The following LCN2 variants were observed in gnomAD, a reference collection of about 807,000 sequenced individuals.
LCN2 encodes neutrophil gelatinase-associated lipocalin.
LCN2 carries 27 observed loss-of-function variants against 26.4 expected under a neutral mutation model. The observed-to-expected ratio is 1.02, with a 90% CI of 0.76 to 1.41. LCN2 has a LOEUF of 1.41. LCN2 is among the 40% of genes most tolerant of loss of function. The pLI, the probability that LCN2 is intolerant of heterozygous loss-of-function variation, is 0.00. For synonymous variants in LCN2, 94 were observed against 98.9 expected, an observed-to-expected ratio of 0.95 and a Z score of 0.30; for missense variants, 224 against 237.6, an observed-to-expected ratio of 0.94 and a Z score of 0.38.
intron 3 of LCN2, 91 bp downstream of exon 3, chr9:128,151,808 G>A (rs1588086839): frequency 1.3e-6 from 2 of 1,590,816 alleles, no homozygotes; most frequent in Non-Finnish European, 1.7e-6. Flanking sequence ...CAGATGTGTT[G>A]TATGGGGAGA....
intron 5 of LCN2, 113 bp downstream of exon 5, chr9:128,152,397 G>C: frequency 3.3e-6 from 3 of 907,758 alleles, no homozygotes; most frequent in Non-Finnish European, 5.2e-6. Flanking sequence ...AGTCACTGGA[G>C]CAGTGGATGG....
chr9:128,151,758 G>T, intron 3 of LCN2, 41 bp downstream of exon 3: 1 of 1,601,072 alleles, frequency 6.2e-7, no homozygotes, highest in Non-Finnish European at 8.6e-7. Context: ...TGGGGCTCCG[G>T]GGAGCTGGGT....
Position 128,153,299 on chromosome 9 carries a change from A to C in LCN2, c.*8-12A>C, listed in dbSNP as rs1588087576. The C allele has an allele frequency of 8.2e-6, 6 of 733,420 alleles. No individual in the cohort carries two copies. Among genetic ancestry groups the C allele is most frequent in the South Asian group, 1.6e-5 (1 of 61,558 alleles). 45.4% of individuals were successfully genotyped at this position (733,420 alleles called of 1,614,324 possible). On this transcript the variant is annotated splice_polypyrimidine_tract_variant and intron_variant, in intron 6 of 6. Transcript: ENST00000277480. This position sits in a 1 kb window ranked among gnomAD's most constrained non-coding sequence, Gnocchi z 5.4. ...TTCCCCACCCATCACCCTCATATCC[A>C]CCTCTGTCCAGGGTGCCGCCAGCTG...
intron 2 of LCN2, 111 bp from the exon 3 acceptor site, chr9:128,151,527 C>G (rs921465224): frequency 1.2e-6 from 1 of 840,770 alleles, no homozygotes; most frequent in African/African-American, 1.7e-5. Context: ...ACGGGTTGGG[C>G]CGGACTGAGA....
chr9:128,150,538 T>C, intron 2 of LCN2, 164 bp downstream of exon 2: 2 of 866,112 alleles, frequency 2.3e-6, no homozygotes, highest in East Asian at 2.5e-5. Context: ...CACATTTCCA[T>C]GCAGACACAC....
In LCN2 at chr9:128,151,962, C is replaced by T. The variant is rs758593510; in HGVS notation, c.412C>T (p.His138Tyr). The change falls in exon 4 of 7, where the codon CAT becomes TAT. Residue 138 changes from histidine to tyrosine, a missense_variant. Coordinates refer to ENST00000277480, the MANE Select transcript of LCN2 (RefSeq NM_005564.5). ...AGTGGTGAGCACCAACTACAACCAG[C>T]ATGCTATGGTGTTCTTCAAGAAAGT... is the stretch of plus-strand genomic sequence containing the variant. ...VRVVSTNYNQ[H>Y]AMVFFKKVSQ... is the part of the protein sequence containing the mutation. The T allele has an allele frequency of 1.9e-6, 3 of 1,614,126 alleles. No individual in the cohort carries two copies. Among genetic ancestry groups the T allele is most frequent in the Non-Finnish European group, 2.5e-6 (3 of 1,179,976 alleles).
At position 128,152,263 on chromosome 9, in the gene LCN2, A is replaced by G. The variant is rs1564225681; in HGVS notation, c.556A>G (p.Ile186Val). The G allele has an allele frequency of 1.9e-6, 3 of 1,614,040 alleles. No individual in the cohort carries two copies. Among genetic ancestry groups the G allele is most frequent in the Non-Finnish European group, 2.5e-6 (3 of 1,180,000 alleles). ...SKSLGLPENH[I>V]VFPVPIDQCI... ...ATCTCTGGGCCTCCCTGAAAACCAC[A>G]TCGTCTTCCCTGTCCCAATCGGTAA... The change falls in exon 5 of 7, where the codon ATC becomes GTC. Residue 186 changes from isoleucine (I) to valine (V), a missense_variant. Transcript: ENST00000277480.
Position 128,153,063 on chromosome 9 carries a change from C to T in LCN2, c.578-37C>T, listed in dbSNP as rs754240493. ...ACACACTCATACACGCACACACACA[C>T]ACAGCTGCCTGTTCTGACGGACTTT... On this transcript the variant is annotated intron_variant, in intron 5 of 6. Transcript: ENST00000277480. The surrounding 1 kb of genome is among the most constrained non-coding windows in gnomAD (Gnocchi z 5.4). 5.6e-6 allele frequency: 9 copies of T among 1,614,060 alleles called. No homozygotes were observed. The highest frequency in any genetic ancestry group is 1.1e-5 in the South Asian group (1 of 91,088).
At chr9:128,150,207 C>T (rs1483278353) in intron 1 of LCN2, 31 bp from the exon 2 acceptor site, 2 of 1,601,422 alleles carry the variant, frequency 1.2e-6, no homozygotes, top group Non-Finnish European at 1.7e-6. Context: ...AGGGCCATTC[C>T]TGGGTTGTGC....
intron 5 of LCN2, among the ~76,000 whole-genome samples, chr9:128,152,744 G>C (rs1829149045): frequency 6.6e-6 from 1 of 152,176 alleles, no homozygotes. Flanking sequence ...AGGGAGCCTG[G>C]CTTGGGCAGG....
At position 128,152,200 on chromosome 9, in the gene LCN2, A is replaced by G. The variant is rs2130878246; in HGVS notation, c.493A>G (p.Thr165Ala). The change falls in exon 5 of 7, where the codon ACT becomes GCT. Residue 165 changes from threonine to alanine, a missense_variant. Physicochemically the swap from Thr to Ala is moderately conservative, Grantham distance 58. Coordinates refer to ENST00000277480, the MANE Select transcript of LCN2 (RefSeq NM_005564.5). ...GGTCACAGGGAGAACCAAGGAGCTG[A>G]CTTCGGAACTAAAGGAGAACTTCAT... ...ITLYGRTKEL[T>A]SELKENFIRF... 1.9e-6 allele frequency: 3 copies of G among 1,614,132 alleles called. No individual in the cohort carries two copies. The East Asian group carries it at 6.7e-5, about 36-fold the overall frequency.
Position 128,151,928 on chromosome 9 carries a change from C to A in LCN2, c.378C>A (p.Tyr126Ter), listed in dbSNP as rs761702759. 2 of 1,614,110 alleles carry A rather than the reference C, an allele frequency of 1.2e-6. No homozygotes were observed. Among genetic ancestry groups the A allele is most frequent in the Admixed American group, 3.3e-5 (2 of 60,028 alleles). The part of the protein sequence containing the change: ...NIKSYPGLTS[Y>*]LVRVVSTNYN... ...CAGGTTACCCTGGATTAACGAGTTA[C>A]CTCGTCCGAGTGGTGAGCACCAACT... is the stretch of plus-strand genomic sequence containing the variant. The change falls in exon 4 of 7, where the codon TAC becomes TAA. Residue 126 changes from tyrosine (Y) to a stop codon, truncating the protein, a stop_gained. Transcript: ENST00000277480. LOFTEE classifies it high-confidence loss of function.
chr9:128,150,048 G>T (rs1205731263), intron 1 of LCN2, among the ~76,000 whole-genome samples, 190 bp from the exon 2 acceptor site: 1 of 152,062 alleles, frequency 6.6e-6, no homozygotes, highest in Non-Finnish European at 1.5e-5. Flanking sequence ...TCTTCCCCCA[G>T]GACTCCCTTC....
At position 128,149,614 on chromosome 9, in the gene LCN2, C is replaced by A. The variant is rs1298828710; in HGVS notation, c.89C>A (p.Ala30Asp). Residue 30 changes from alanine (A) to aspartate (D), a missense_variant, in exon 1 of 7, where the codon GCC becomes GAC. By Grantham distance (126) the Ala-to-Asp change is moderately radical (BLOSUM62 -2). Coordinates refer to ENST00000277480, the MANE Select transcript of LCN2 (RefSeq NM_005564.5). ...AQDSTSDLIP[A>D]PPLSKVPLQQ... is the part of the protein sequence containing the mutation. ...GACTCCACCTCAGACCTGATCCCAG[C>A]CCCACCTCTGAGCAAGGTCCCTCTG... 1 of 1,613,916 alleles carries A rather than the reference C, an allele frequency of 6.2e-7. No homozygotes were observed. Among genetic ancestry groups the A allele is most frequent in the Non-Finnish European group, 8.5e-7 (1 of 1,179,998 alleles).
At chr9:128,150,153 C>A in intron 1 of LCN2, 85 bp from the exon 2 acceptor site, 1 of 1,520,498 alleles carries the variant, frequency 6.6e-7, no homozygotes, top group Non-Finnish European at 8.9e-7. Flanking sequence ...CCAAGCTGGG[C>A]GGCCCAGAGG....
In LCN2 at chr9:128,151,897, C is replaced by T. The variant is rs201401236; in HGVS notation, c.356-9C>T. On this transcript the variant is annotated splice_polypyrimidine_tract_variant and intron_variant, in intron 3 of 6. Transcript: ENST00000277480. ...GGCAGGGCTGACCCCTCACCGTCCA[C>T]GCCTGCAGGTTACCCTGGATTAACG... 28 of 1,613,908 alleles carry T rather than the reference C, an allele frequency of 1.7e-5. No homozygotes were observed. Among genetic ancestry groups the T allele is most frequent in the African/African-American group, 5.3e-5 (4 of 74,946 alleles).
rs535036884 is a variant in LCN2, at chr9:128,150,933, T to G, written c.275+559T>G. Among the ~76,000 whole-genome samples the G allele has an allele frequency of 2.0e-5, 3 of 152,174 alleles. No homozygotes were observed. In the East Asian group the frequency reaches 5.8e-4, roughly 29 times the overall value. On this transcript the variant is annotated intron_variant, in intron 2 of 6. Coordinates refer to ENST00000277480, the MANE Select transcript of LCN2 (RefSeq NM_005564.5). ...CTCTTGGGCCGCAGGGTGGGGAGAC[T>G]TGGTGGGGTGCAGCCTAGGGGGTCG...
In LCN2 at chr9:128,152,420, T is replaced by C. The variant is rs537426173; in HGVS notation, c.577+136T>C. On this transcript the variant is annotated intron_variant, in intron 5 of 6. Transcript: ENST00000277480. The stretch of plus-strand genomic sequence containing the variant: ...GAGCAGTGGATGGTCCAGGAGCTCC[T>C]TGGAAGCCACTCTGGGCCCAGGAAG... 241 of 737,558 alleles carry C rather than the reference T, an allele frequency of 3.3e-4. No homozygotes were observed. The Admixed American group carries it at 3.7e-3, about 11-fold the overall frequency. The allele number at this position is 737,558 out of a possible 1,614,324, so 45.7% of individuals were successfully genotyped here.
chr9:128,153,312 G>A lies in LCN2; in HGVS notation c.*9G>A, dbSNP rs951130210. 2.3e-5 allele frequency: 16 copies of A among 696,080 alleles called. No individual in the cohort carries two copies. Among genetic ancestry groups the A allele is most frequent in the African/African-American group, 1.4e-4 (8 of 56,500 alleles). The allele number at this position is 696,080 out of a possible 1,614,324, so 43.1% of individuals were successfully genotyped here. A position where few individuals can be genotyped will look rare whatever the true frequency, so the allele number is the denominator to read the frequency against. ...ACCCTCATATCCACCTCTGTCCAGG[G>A]TGCCGCCAGCTGCCGCACCAGCCCG... On this transcript the variant is annotated splice_region_variant and 3_prime_UTR_variant, in exon 7 of 7. Transcript: ENST00000277480. The surrounding 1 kb of genome is among the most constrained non-coding windows in gnomAD (Gnocchi z 5.4).
Sources: gnomAD v4.1 joint callset for allele counts (sites outside exome capture counted in the v4.1 genomes callset) on GRCh38, gnomAD v4.1.1 for gene constraint, Gnocchi (gnomAD v3.1) non-coding constraint, MANE v1.5 for transcripts, NCBI Gene and HGNC (gene_info 2026-07-23, HGNC 2026-07-21) for gene names.